UGT1A10: variants seen among roughly 807,000 people sequenced by gnomAD.
The protein encoded by UGT1A10 is UDP-glucuronosyltransferase 1A10.
UGT1A10 carries 49 observed loss-of-function variants against 45.8 expected under a neutral mutation model. The ratio of observed to expected loss-of-function variants is 1.07; its 90% CI spans 0.85 to 1.36. UGT1A10 has a LOEUF of 1.36. Among genes scored for constraint, UGT1A10 ranks in the 40% most tolerant of loss-of-function variants. The pLI is 0.00. For synonymous variants in UGT1A10, 284 were observed against 249.7 expected (o/e 1.14, Z -1.29); for missense variants, 745 against 668.6 (o/e 1.11, Z -1.26).
At chr2:233,671,970 A>G (rs1457594070) in intron 1 of UGT1A10, 10 of 1,613,648 alleles carry the variant, frequency 6.2e-6, no homozygotes, top group East Asian at 2.2e-5. Flanking sequence ...CCCTTCCTCT[A>G]TGTGTGTGTC....
At chr2:233,719,313 C>A in intron 1 of UGT1A10, 2 of 1,613,954 alleles carry the variant, frequency 1.2e-6, no homozygotes, top group Non-Finnish European at 1.7e-6. Flanking sequence ...GGCTAAGTAC[C>A]TGTCGATTCC....
intron 1 of UGT1A10, among the ~76,000 whole-genome samples, chr2:233,709,855 C>T (rs774385503): frequency 6.6e-6 from 1 of 152,220 alleles, no homozygotes; most frequent in Non-Finnish European, 1.5e-5. Flanking sequence ...ATTCAAGACA[C>T]GGAGCACTCC....
chr2:233,751,986 T>A (rs1694863386), intron 1 of UGT1A10, among the ~76,000 whole-genome samples: 1 of 152,156 alleles, frequency 6.6e-6, no homozygotes, highest in South Asian at 2.1e-4. Context: ...TGAATCTGCA[T>A]TTATTGAGAA....
At chr2:233,691,132 T>A in intron 1 of UGT1A10, 1 of 985,806 alleles carries the variant, frequency 1.0e-6, no homozygotes, top group Non-Finnish European at 1.2e-6. Context: ...CCATTCTTCC[T>A]CTAGATGAAC....
chr2:233,641,957 G>T (rs924706254), intron 1 of UGT1A10, among the ~76,000 whole-genome samples: 5 of 152,092 alleles, frequency 3.3e-5, no homozygotes, highest in Non-Finnish European at 5.9e-5. Flanking sequence ...ACCTTTGGGA[G>T]TTTGATTATT....
At chr2:233,762,713 C>T (rs1377918494) in intron 1 of UGT1A10, among the ~76,000 whole-genome samples, 1 of 150,748 alleles carries the variant, frequency 6.6e-6, no homozygotes, top group South Asian at 2.1e-4. Context: ...AAGTATTTTA[C>T]ACGGTTTTTT....
At chr2:233,639,459 C>T (rs2073390154) in intron 1 of UGT1A10, among the ~76,000 whole-genome samples, 1 of 152,196 alleles carries the variant, frequency 6.6e-6, no homozygotes, top group African/African-American at 2.4e-5. Flanking sequence ...TTGCTCTTTC[C>T]TTGTTTCAGA....
At chr2:233,742,075 C>T (rs1426608266) in intron 1 of UGT1A10, 1 of 151,834 alleles carries the variant, frequency 6.6e-6, no homozygotes, top group East Asian at 1.9e-4. Context: ...TTATGGAGAT[C>T]CTTTTTTTAC....
intron 1 of UGT1A10, among the ~76,000 whole-genome samples, chr2:233,763,945 G>A (rs1405755046): frequency 6.6e-6 from 1 of 152,190 alleles, no homozygotes; most frequent in Non-Finnish European, 1.5e-5. Context: ...GGAAAGCTTG[G>A]GAGCAGGGAA....
chr2:233,683,338 A>T (rs2074629044), intron 1 of UGT1A10, among the ~76,000 whole-genome samples: 1 of 152,170 alleles, frequency 6.6e-6, no homozygotes, highest in Admixed American at 6.5e-5. Flanking sequence ...TAATAATTGC[A>T]TGGTAGTCTT....
chr2:233,661,913 A>T (rs2073979139), intron 1 of UGT1A10, among the ~76,000 whole-genome samples: 3 of 151,798 alleles, frequency 2.0e-5, no homozygotes, highest in Admixed American at 6.6e-5. Flanking sequence ...ATGCATGAGA[A>T]CTGTGAGATC....
At chr2:233,637,978 AT>A in intron 1 of UGT1A10, among the ~76,000 whole-genome samples, 1 of 152,262 alleles carries the variant, frequency 6.6e-6, no homozygotes, top group Non-Finnish European at 1.5e-5. Flanking sequence ...TGATATATAT[AT>A]AGCCATTTTC....
At chr2:233,676,983 T>A (rs2074378188) in intron 1 of UGT1A10, among the ~76,000 whole-genome samples, 1 of 152,150 alleles carries the variant, frequency 6.6e-6, no homozygotes, top group Non-Finnish European at 1.5e-5. Flanking sequence ...ATAAATGAGG[T>A]AGTGTTACCT....
intron 1 of UGT1A10, chr2:233,689,954 C>A (rs1473720603): frequency 2.2e-6 from 1 of 456,550 alleles, no homozygotes; most frequent in Non-Finnish European, 4.4e-6. Flanking sequence ...TCCTTTATTT[C>A]CATGCTTGGA....
chr2:233,683,428 C>A (rs1307985094), intron 1 of UGT1A10, among the ~76,000 whole-genome samples: 1 of 152,046 alleles, frequency 6.6e-6, no homozygotes, highest in East Asian at 1.9e-4. Context: ...GGTTTATGAG[C>A]AATAATAAGA....
intron 1 of UGT1A10, chr2:233,672,791 T>G (rs754609024): frequency 1.9e-5 from 31 of 1,612,892 alleles, no homozygotes; most frequent in Non-Finnish European, 2.5e-5. Context: ...TTGCCTATGG[T>G]AAGTTATCTC....
intron 1 of UGT1A10, among the ~76,000 whole-genome samples, chr2:233,764,386 G>A (rs141556907): frequency 3.9e-5 from 6 of 152,290 alleles, no homozygotes; most frequent in Non-Finnish European, 7.4e-5. Context: ...GGAGTTGGCC[G>A]TGATGACAAC....
At chr2:233,721,208 T>A (rs1235207261) in intron 1 of UGT1A10, among the ~76,000 whole-genome samples, 1 of 152,250 alleles carries the variant, frequency 6.6e-6, no homozygotes, top group Non-Finnish European at 1.5e-5. Context: ...ACTGGTTTTC[T>A]TTTCCCCTTA....
At chr2:233,721,697 G>A (rs1469805668) in intron 1 of UGT1A10, 9 of 355,958 alleles carry the variant, frequency 2.5e-5, no homozygotes, top group Admixed American at 6.5e-5. Flanking sequence ...CAAGACGCAT[G>A]GCTCATCTTG....
Sources: gnomAD v4.1 joint callset for allele counts (sites outside exome capture counted in the v4.1 genomes callset) on GRCh38, gnomAD v4.1.1 for gene constraint, MANE v1.5 for transcripts, NCBI Gene and HGNC (gene_info 2026-07-23, HGNC 2026-07-21) for gene names.